Variants in TRPC4 observed in about 807,000 individuals in gnomAD.
TRPC4 encodes transient receptor potential cation channel subfamily C member 4.
TRPC4 carries 49 observed loss-of-function variants against 99.4 expected under a neutral mutation model. That is an observed-to-expected ratio of 0.49 (90% CI 0.39 to 0.63). The LOEUF (loss-of-function observed/expected upper bound fraction) is 0.63. Among genes scored for constraint, TRPC4 ranks in the 20% least tolerant of loss-of-function variants. The pLI is 0.00. For missense variants in TRPC4, 898 were observed against 1,152.9 expected, an observed-to-expected ratio of 0.78 and a Z score of 3.20; for synonymous variants, 454 against 425.9, an observed-to-expected ratio of 1.07 and a Z score of -0.81.
At chr13:37,808,158 C>G (rs1180593163) in intron 1 of TRPC4, among the ~76,000 whole-genome samples, 1 of 151,840 alleles carries the variant, frequency 6.6e-6, no homozygotes, top group Non-Finnish European at 1.5e-5. Flanking sequence ...AGGTATGCTT[C>G]CAATTATTAT....
At chr13:37,823,161 C>G (rs1228098889) in intron 1 of TRPC4, among the ~76,000 whole-genome samples, 4 of 149,456 alleles carry the variant, frequency 2.7e-5, no homozygotes, top group Non-Finnish European at 4.5e-5. Context: ...ATTGTAGATT[C>G]TGGATATTAG....
rs368941257 is a variant in TRPC4 at position 37,858,443 on chromosome 13, C to T, written c.-28+11152G>A. 1.4e-3 allele frequency among the ~76,000 whole-genome samples: 215 copies of T among 148,790 alleles called. 2 individuals carry two copies. The highest frequency in any genetic ancestry group is 5.0e-3 in the African/African-American group (204 of 40,550). ...TGCAGGGTATATACCCAAAATAAAACGTATCAGTATATCGAAGGGATATCT... is the reference window on the plus strand; with the variant it reads ...TGCAGGGTATATACCCAAAATAAAATGTATCAGTATATCGAAGGGATATCT... On this transcript the variant is annotated intron_variant, in intron 1 of 10. Transcript: ENST00000379705.
At chr13:37,693,314 C>T (rs570813213) in intron 3 of TRPC4, among the ~76,000 whole-genome samples, 12 of 152,104 alleles carry the variant, frequency 7.9e-5, no homozygotes, top group East Asian at 1.9e-4. Flanking sequence ...GGGTAATCCA[C>T]GGCAAGATAC....
chr13:37,688,856 C>T (rs962631920), intron 4 of TRPC4, among the ~76,000 whole-genome samples: 14 of 152,084 alleles, frequency 9.2e-5, no homozygotes, highest in Non-Finnish European at 1.6e-4. Context: ...ACATCATTTC[C>T]GTAAGTCATT....
intron 3 of TRPC4, among the ~76,000 whole-genome samples, chr13:37,702,904 A>G (rs1251883872): frequency 6.6e-6 from 1 of 152,198 alleles, no homozygotes. Context: ...TGCTTAGACA[A>G]AAGAGGAATT....
At chr13:37,685,015 A>G in intron 4 of TRPC4, among the ~76,000 whole-genome samples, 1 of 152,118 alleles carries the variant, frequency 6.6e-6, no homozygotes, top group South Asian at 2.1e-4. Context: ...TATGTTTTAG[A>G]TTAGAAAAAA....
At chr13:37,730,446 T>A (rs184491462) in intron 3 of TRPC4, among the ~76,000 whole-genome samples, 10 of 152,158 alleles carry the variant, frequency 6.6e-5, no homozygotes, top group Admixed American at 1.3e-4. Flanking sequence ...TCCAAAAAAA[T>A]TAAATGTTTG....
chr13:37,719,828 C>G (rs2139027845), intron 3 of TRPC4, among the ~76,000 whole-genome samples: 1 of 150,524 alleles, frequency 6.6e-6, no homozygotes, highest in East Asian at 1.9e-4. Flanking sequence ...ACATGGCAAG[C>G]AGGAATGAAG....
At chr13:37,642,707 T>C (rs966837230) in intron 8 of TRPC4, among the ~76,000 whole-genome samples, 1 of 151,142 alleles carries the variant, frequency 6.6e-6, no homozygotes, top group African/African-American at 2.4e-5. Flanking sequence ...AAGGGCATCC[T>C]GGATATGGAA....
intron 1 of TRPC4, among the ~76,000 whole-genome samples, chr13:37,855,609 T>C (rs561204144): frequency 1.3e-5 from 2 of 151,924 alleles, no homozygotes; most frequent in South Asian, 2.1e-4. Flanking sequence ...TGGATCATTC[T>C]CAGGAACAGG....
At chr13:37,771,703 C>T (rs566669911) in intron 2 of TRPC4, among the ~76,000 whole-genome samples, 3 of 151,388 alleles carry the variant, frequency 2.0e-5, no homozygotes, top group Non-Finnish European at 3.0e-5. Context: ...TGTGGAGTCT[C>T]GAGTCCTTGT....
At chr13:37,837,527 T>C (rs951016092) in intron 1 of TRPC4, among the ~76,000 whole-genome samples, 26 of 152,382 alleles carry the variant, frequency 1.7e-4, no homozygotes, top group African/African-American at 5.0e-4. Flanking sequence ...ACTGCTCCAC[T>C]GGATTTCAGA....
chr13:37,775,426 T>C (rs1198888348), intron 2 of TRPC4, among the ~76,000 whole-genome samples: 2 of 151,236 alleles, frequency 1.3e-5, no homozygotes, highest in East Asian at 3.9e-4. Flanking sequence ...AATTTCCAAC[T>C]TTTAAGTTAA....
At position 37,663,467 on chromosome 13, in the gene TRPC4, C is replaced by T. The variant is rs1952525404; in HGVS notation, c.1637G>A (p.Gly546Glu). The T allele has an allele frequency of 6.2e-6, 10 of 1,614,088 alleles. No individual in the cohort carries two copies. The highest frequency in any genetic ancestry group is 8.5e-6 in the Non-Finnish European group (10 of 1,180,002). ...QLYFYYEETK[G>E]LTCKGIRCEK... The stretch of plus-strand genomic sequence containing the variant: ...ACATCTTATGCCTTTGCAGGTTAAC[C>T]CTTTCGTTTCTTCATAATAGAAGTA... The change falls in exon 6 of 11, where the codon GGG (glycine) becomes GAG (glutamate). Residue 546 changes from glycine to glutamate, a missense_variant. Around this residue, in one of 3 missense-constraint regions of TRPC4, gnomAD observed 274 missense variants for 454.9 expected, o/e 0.60. Coordinates refer to ENST00000379705, the MANE Select transcript of TRPC4 (RefSeq NM_016179.4).
At chr13:37,764,112 A>G (rs953585482) in intron 2 of TRPC4, among the ~76,000 whole-genome samples, 5 of 151,650 alleles carry the variant, frequency 3.3e-5, no homozygotes, top group Non-Finnish European at 7.4e-5. Context: ...ATTAAAAAGA[A>G]GCAACAGCTG....
At chr13:37,856,636 A>C (rs181165897) in intron 1 of TRPC4, among the ~76,000 whole-genome samples, 46 of 151,822 alleles carry the variant, frequency 3.0e-4, no homozygotes, top group Non-Finnish European at 5.8e-4. Context: ...TCCCCAACAA[A>C]ATATGAGCAA....
intron 5 of TRPC4, among the ~76,000 whole-genome samples, chr13:37,668,730 G>A (rs1452970694): frequency 6.6e-6 from 1 of 152,114 alleles, no homozygotes; most frequent in Non-Finnish European, 1.5e-5. Context: ...AAATAGAAAT[G>A]AGTAAAAATT....
Position 37,746,432 on chromosome 13 carries a change from C to T in TRPC4, c.402G>A (p.Lys134=), listed in dbSNP as rs1369056516. 3 of 1,603,762 alleles carry T rather than the reference C, an allele frequency of 1.9e-6. No individual in the cohort carries two copies. The highest frequency in any genetic ancestry group is 1.1e-5 in the South Asian group (1 of 90,464). ...EKQVPPILLD[K]QFSEFTPDIT... ...TGTCTGGAGTGAATTCAGAGAACTG[C>T]TTATCAAGGAGTATAGGAGGCACCT... is the stretch of plus-strand genomic sequence containing the variant. Residue 134 remains lysine (K), a synonymous_variant, in exon 3 of 11, where the codon AAG becomes AAA. Transcript: ENST00000379705.
chr13:37,780,113 T>C (rs996018550), intron 2 of TRPC4, among the ~76,000 whole-genome samples: 7 of 152,038 alleles, frequency 4.6e-5, no homozygotes, highest in Admixed American at 3.9e-4. Flanking sequence ...ATCTGGAAAT[T>C]GTTCCCCTGT....
Sources: gnomAD v4.1 joint callset for allele counts (sites outside exome capture counted in the v4.1 genomes callset) on GRCh38, gnomAD v4.1.1 for gene constraint, gnomAD v4.1.1 regional missense constraint, MANE v1.5 for transcripts, NCBI Gene and HGNC (gene_info 2026-07-23, HGNC 2026-07-21) for gene names.